Variants in PDE4D observed in about 807,000 individuals in gnomAD.
The protein encoded by PDE4D is 3',5'-cyclic-AMP phosphodiesterase 4D.
Under a neutral mutation model 87.4 loss-of-function variants are expected in PDE4D, and 24 were observed. The observed-to-expected ratio is 0.27, with a 90% CI of 0.20 to 0.39. PDE4D has a LOEUF of 0.39. Ranked by LOEUF, PDE4D falls within the 10% of genes least tolerant of loss-of-function variation. The pLI is 1.00. For synonymous variants in PDE4D, 384 were observed against 383.2 expected (o/e 1.00, Z -0.02); for missense variants, 714 against 1,041.0 (o/e 0.69, Z 4.32).
At chr5:59,156,034 C>T (rs1033010808) in intron 5 of PDE4D, among the ~76,000 whole-genome samples, 2 of 152,052 alleles carry the variant, frequency 1.3e-5, no homozygotes, top group African/African-American at 4.8e-5. Flanking sequence ...ACAGCAGGAA[C>T]TAACTGTCAA....
At chr5:59,685,340 G>C (rs1056051224) in intron 1 of PDE4D, among the ~76,000 whole-genome samples, 1 of 152,120 alleles carries the variant, frequency 6.6e-6, no homozygotes, top group Non-Finnish European at 1.5e-5. Context: ...CTCTTCTGTG[G>C]TGATAGATTA....
intron 1 of PDE4D, among the ~76,000 whole-genome samples, chr5:59,337,321 G>GC (rs1777837554): frequency 1.5e-5 from 2 of 135,234 alleles, no homozygotes; most frequent in African/African-American, 5.7e-5. Context: ...GCATTCATAA[G>GC]TTCCCCCCCC....
chr5:60,291,917 A>C (rs981335060), intron 1 of PDE4D, among the ~76,000 whole-genome samples: 13 of 152,312 alleles, frequency 8.5e-5, no homozygotes, highest in African/African-American at 2.9e-4. Flanking sequence ...GACCAATACA[A>C]TAAAAGAATG....
chr5:59,587,784 T>C (rs1825390013), intron 1 of PDE4D, among the ~76,000 whole-genome samples: 1 of 152,162 alleles, frequency 6.6e-6, no homozygotes, highest in South Asian at 2.1e-4. Context: ...TAGCTCGCCC[T>C]GGAAGAGCAG....
At chr5:60,463,361 C>T (rs1174174418) in intron 1 of PDE4D, among the ~76,000 whole-genome samples, 1 of 152,076 alleles carries the variant, frequency 6.6e-6, no homozygotes, top group East Asian at 1.9e-4. Context: ...GCACAATACA[C>T]ACAGACACAC....
chr5:59,396,804 C>G (rs199731414), intron 1 of PDE4D, among the ~76,000 whole-genome samples: 1 of 101,534 alleles, frequency 9.8e-6, no homozygotes, highest in Non-Finnish European at 2.1e-5. Context: ...GATAAAGAGT[C>G]AACACCCATC....
intron 1 of PDE4D, among the ~76,000 whole-genome samples, chr5:59,784,179 A>G (rs1192521467): frequency 6.6e-6 from 1 of 152,086 alleles, no homozygotes; most frequent in African/African-American, 2.4e-5. Context: ...TCCCTCCCAT[A>G]ACCCACAGCT....
intron 5 of PDE4D, among the ~76,000 whole-genome samples, chr5:59,061,239 G>A (rs1369835173): frequency 6.6e-6 from 1 of 151,884 alleles, no homozygotes; most frequent in African/African-American, 2.4e-5. Context: ...CTAAGTTCTG[G>A]GTGGGTCCAA....
At chr5:59,421,492 T>C (rs11739601) in intron 1 of PDE4D, among the ~76,000 whole-genome samples, 13,471 of 152,138 alleles carry the variant, frequency 0.089, 840 homozygotes, top group South Asian at 0.27. Context: ...AAGAACATTA[T>C]AGGTAAAAGA....
chr5:59,914,866 G>GGTGGGT (rs1554112456), intron 3 of PDE4D, among the ~76,000 whole-genome samples: 1 of 122,542 alleles, frequency 8.2e-6, no homozygotes, highest in Non-Finnish European at 1.7e-5. Flanking sequence ...TACTGATAGG[G>GGTGGGT]GTGTGTGTGT....
At chr5:59,574,005 A>AAAT (rs1266408182) in intron 1 of PDE4D, among the ~76,000 whole-genome samples, 1,250 of 119,672 alleles carry the variant, frequency 0.01, 73 homozygotes, top group African/African-American at 0.037. Flanking sequence ...CTCAAAAAAA[A>AAAT]ATATATATAT....
At chr5:59,719,018 A>C (rs911520833) in intron 1 of PDE4D, among the ~76,000 whole-genome samples, 14 of 152,026 alleles carry the variant, frequency 9.2e-5, no homozygotes, top group African/African-American at 3.4e-4. Flanking sequence ...AAAAAAAAAA[A>C]AAGCCTCTTG....
At chr5:59,804,945 C>T (rs774775124) in intron 1 of PDE4D, among the ~76,000 whole-genome samples, 7 of 152,158 alleles carry the variant, frequency 4.6e-5, no homozygotes, top group Non-Finnish European at 8.8e-5. Context: ...GCGCACACCA[C>T]CATGCCTGGC....
At chr5:59,306,097 T>C (rs978871447) in intron 1 of PDE4D, among the ~76,000 whole-genome samples, 6 of 152,206 alleles carry the variant, frequency 3.9e-5, no homozygotes, top group African/African-American at 9.6e-5. Context: ...ATGTTTAGCA[T>C]TGTGACATAT....
rs1468379908 is a variant in PDE4D, at chr5:59,988,276, T to G, written c.272+212A>C. Reference sequence around the variant, plus strand: ...TTTATTAGCATTCACCAATACATTTTCAGCTCTTCCATGTAAAACAATTTC... The same window carrying G: ...TTTATTAGCATTCACCAATACATTTGCAGCTCTTCCATGTAAAACAATTTC... On this transcript the variant is annotated intron_variant, in intron 3 of 16. Transcript: ENST00000502484. 13 of 474,070 alleles carry G rather than the reference T, an allele frequency of 2.7e-5. No homozygotes were observed. In the East Asian group the frequency reaches 2.8e-4, roughly 10 times the overall value. 29.4% of individuals were successfully genotyped at this position (474,070 alleles called of 1,614,324 possible).
At chr5:60,250,355 GGT>G (rs1748285367) in intron 1 of PDE4D, among the ~76,000 whole-genome samples, 1 of 151,874 alleles carries the variant, frequency 6.6e-6, no homozygotes, top group Non-Finnish European at 1.5e-5. Flanking sequence ...GCAGCTAGGA[GGT>G]GTCTCTAAGC....
chr5:60,506,082 T>G (rs1232529358), intron 1 of PDE4D, among the ~76,000 whole-genome samples: 1 of 152,234 alleles, frequency 6.6e-6, no homozygotes, highest in Non-Finnish European at 1.5e-5. Context: ...GAGATCCAGA[T>G]GGCAAGCTCT....
chr5:60,103,157 G>A (rs913701190), intron 2 of PDE4D, among the ~76,000 whole-genome samples: 2 of 152,158 alleles, frequency 1.3e-5, no homozygotes, highest in Non-Finnish European at 2.9e-5. Flanking sequence ...ATTCCCAGAA[G>A]AATAAATGCA....
intron 1 of PDE4D, among the ~76,000 whole-genome samples, chr5:59,874,245 T>C (rs893135762): frequency 6.6e-6 from 1 of 152,170 alleles, no homozygotes; most frequent in African/African-American, 2.4e-5. Context: ...TCCAGTGAGA[T>C]GTTACTTTTC....
Sources: gnomAD v4.1 joint callset for allele counts (sites outside exome capture counted in the v4.1 genomes callset) on GRCh38, gnomAD v4.1.1 for gene constraint, MANE v1.5 for transcripts, NCBI Gene and HGNC (gene_info 2026-07-23, HGNC 2026-07-21) for gene names.